AP2A1: variants seen among roughly 807,000 people sequenced by gnomAD.
AP2A1 encodes the protein AP-2 complex subunit alpha-1.
AP2A1 carries 21 observed loss-of-function variants against 107.3 expected under a neutral mutation model. The ratio of observed to expected loss-of-function variants is 0.20; its 90% CI spans 0.14 to 0.28. The LOEUF (loss-of-function observed/expected upper bound fraction) is 0.28. AP2A1 is among the 10% of genes least tolerant of loss of function. AP2A1 has a pLI of 1.00. For missense variants in AP2A1, 873 were observed against 1,307.7 expected, an observed-to-expected ratio of 0.67 and a Z score of 5.13; for synonymous variants, 602 against 564.8, an observed-to-expected ratio of 1.07 and a Z score of -0.93.
intron 18 of AP2A1, 165 bp from the exon 19 acceptor site, chr19:49,805,288 T>C (rs1406232136): frequency 1.2e-6 from 1 of 808,928 alleles, no homozygotes; most frequent in Admixed American, 3.2e-5. Flanking sequence ...GAGGTTTCCA[T>C]AGTATGAACT....
intron 4 of AP2A1, among the ~76,000 whole-genome samples, chr19:49,784,431 CA>C (rs112357042): frequency 0.26 from 28,356 of 107,892 alleles, 2,661 homozygotes; most frequent in South Asian, 0.43. Context: ...GACTCTGTCT[CA>C]AAAAAAAAAA....
intron 8 of AP2A1, 45 bp from the exon 9 acceptor site, chr19:49,799,282 T>C: frequency 6.3e-7 from 1 of 1,593,170 alleles, no homozygotes; most frequent in East Asian, 2.2e-5. Flanking sequence ...CACCTTCTCC[T>C]GTCAGTTTCT....
At chr19:49,796,190 G>A in intron 7 of AP2A1, 1 of 175,360 alleles carries the variant, frequency 5.7e-6, no homozygotes, top group South Asian at 1.3e-4. Context: ...ACAATAGCCA[G>A]TGTGTATGAA....
chr19:49,782,022 A>C lies in AP2A1; in HGVS notation c.212A>C (p.Asp71Ala). 1 of 1,600,872 alleles carries C rather than the reference A, an allele frequency of 6.2e-7. No individual in the cohort carries two copies. The highest frequency in any genetic ancestry group is 8.5e-7 in the Non-Finnish European group (1 of 1,173,374). The change falls in exon 3 of 23, where the codon GAC becomes GCC. Residue 71 changes from aspartate (D) to alanine (A), a missense_variant. Coordinates refer to ENST00000354293, the MANE Select transcript of AP2A1 (RefSeq NM_130787.3). ...CTTTTCATCTTCCTGCTTGGCCATGACATTGACTTTGGGCACATGGAGGCT... is the reference window on the plus strand; with the variant it reads ...CTTTTCATCTTCCTGCTTGGCCATGCCATTGACTTTGGGCACATGGAGGCT... ...KLLFIFLLGH[D>A]IDFGHMEAVN...
chr19:49,803,641 TC>T (rs1273300491), intron 18 of AP2A1: 2 of 499,906 alleles, frequency 4.0e-6, no homozygotes, highest in Non-Finnish European at 7.3e-6. Context: ...TCTGGCACCT[TC>T]CGTGTCCTGC....
intron 6 of AP2A1, among the ~76,000 whole-genome samples, chr19:49,793,892 T>G (rs1488527693): frequency 6.8e-6 from 1 of 147,898 alleles, no homozygotes; most frequent in Admixed American, 6.8e-5. Flanking sequence ...CATCCACTCA[T>G]TGTTTCTTTT....
intron 1 of AP2A1, among the ~76,000 whole-genome samples, chr19:49,770,460 G>A (rs990344425): frequency 2.0e-5 from 3 of 152,158 alleles, no homozygotes; most frequent in African/African-American, 7.2e-5. Flanking sequence ...CCTCCATGAA[G>A]CTCCCAGCCC....
At chr19:49,793,630 C>CT (rs1383984685) in intron 6 of AP2A1, among the ~76,000 whole-genome samples, 1 of 152,126 alleles carries the variant, frequency 6.6e-6, no homozygotes, top group Admixed American at 6.5e-5. Context: ...CCAAGCTCTG[C>CT]TCTTAAGGAG....
chr19:49,769,194 G>A (rs116895430), intron 1 of AP2A1, among the ~76,000 whole-genome samples: 7 of 152,168 alleles, frequency 4.6e-5, no homozygotes, highest in Middle Eastern at 3.4e-3. Flanking sequence ...AGGTTGCAAT[G>A]AGCCGAGATT....
At position 49,788,432 on chromosome 19, in the gene AP2A1, G is replaced by C. The variant is rs2073100687; in HGVS notation, c.474-3503G>C. 6.6e-6 allele frequency among the ~76,000 whole-genome samples: 1 copy of C among 152,206 alleles called. No individual in the cohort carries two copies. The highest frequency in any genetic ancestry group is 2.4e-5 in the African/African-American group (1 of 41,448). Reference sequence around the variant, plus strand: ...CGCGTCCTTAGAGGGCTGTGGTGGGGAGCGAGCGAGCTGTGCGGGAACACT... The same window carrying C: ...CGCGTCCTTAGAGGGCTGTGGTGGGCAGCGAGCGAGCTGTGCGGGAACACT... On this transcript the variant is annotated intron_variant, in intron 4 of 22. Coordinates refer to ENST00000354293, the MANE Select transcript of AP2A1 (RefSeq NM_130787.3). This position sits in a 1 kb window ranked among gnomAD's most constrained non-coding sequence, Gnocchi z 4.5.
chr19:49,782,282 A>C (rs1004512741), intron 3 of AP2A1, among the ~76,000 whole-genome samples, 193 bp downstream of exon 3: 1 of 144,030 alleles, frequency 6.9e-6, no homozygotes, highest in Admixed American at 6.9e-5. Flanking sequence ...TGGACTCCCC[A>C]TTCTGAGGGA....
chr19:49,799,833 C>T, intron 10 of AP2A1, 67 bp downstream of exon 10: 1 of 1,573,792 alleles, frequency 6.4e-7, no homozygotes, highest in East Asian at 2.3e-5. Context: ...GGCCTGGATT[C>T]CTAAGTCTAA....
rs1600250995 is a variant in AP2A1, at chr19:49,805,994, CCT to C, written c.2655+56_2655+57del. The C allele has an allele frequency of 1.7e-5, 28 of 1,612,812 alleles. 1 individual carries two copies. Among genetic ancestry groups the C allele is most frequent in the Non-Finnish European group, 2.0e-5 (24 of 1,179,432 alleles). On this transcript the variant is annotated intron_variant, in intron 21 of 22. Transcript: ENST00000354293. ...CCTATGGCTGCTTTGCTTCTCTGAG[CCT>C]CTGTTTTCCCATCTGTAAAGTGGGG...
chr19:49,769,591 G>A (rs966608011), intron 1 of AP2A1, among the ~76,000 whole-genome samples: 3 of 152,172 alleles, frequency 2.0e-5, no homozygotes, highest in African/African-American at 7.2e-5. Context: ...AGCTGTGGGA[G>A]TGAAGGGGAG....
At chr19:49,787,818 A>G (rs1276975418) in intron 4 of AP2A1, among the ~76,000 whole-genome samples, 1 of 151,928 alleles carries the variant, frequency 6.6e-6, no homozygotes, top group African/African-American at 2.4e-5. Context: ...GCTGCCACCA[A>G]TCTGCTTTCT....
chr19:49,781,844 T>C lies in AP2A1; in HGVS notation c.136+19T>C. On this transcript the variant is annotated intron_variant, in intron 2 of 22. Transcript: ENST00000354293. ...TTCAAAGGTAGGCTGGGGGCCCAAC[T>C]TCTGGTTCTGAGGGAGGAGGGGGCT... 1.9e-6 allele frequency: 3 copies of C among 1,610,672 alleles called. No homozygotes were observed. The highest frequency in any genetic ancestry group is 2.5e-6 in the Non-Finnish European group (3 of 1,178,314).
chr19:49,793,102 G>T lies in AP2A1; in HGVS notation c.705+10G>T. 1 of 1,592,230 alleles carries T rather than the reference G, an allele frequency of 6.3e-7. No individual in the cohort carries two copies. The highest frequency in any genetic ancestry group is 1.1e-5 in the South Asian group (1 of 87,632). ...GTCGCGCCTGAGCCGGGTGGGTGTG[G>T]CCTAGATATTGGCTGCTGGAGGTGG... On this transcript the variant is annotated intron_variant, in intron 6 of 22. Coordinates refer to ENST00000354293, the MANE Select transcript of AP2A1 (RefSeq NM_130787.3).
intron 4 of AP2A1, 159 bp from the exon 5 acceptor site, chr19:49,791,776 C>G (rs1301642517): frequency 1.2e-6 from 1 of 818,854 alleles, no homozygotes; most frequent in African/African-American, 1.7e-5. Flanking sequence ...TCCTGGTGGG[C>G]CGTGAGGTCA....
At chr19:49,805,832 G>T (rs761021493) in intron 20 of AP2A1, 40 bp from the exon 21 acceptor site, 2 of 1,592,478 alleles carry the variant, frequency 1.3e-6, no homozygotes, top group African/African-American at 1.3e-5. Context: ...GGGCGGGTCG[G>T]GCCGTCCAGG....
Sources: allele counts gnomAD v4.1 joint callset (sites outside exome capture counted in the v4.1 genomes callset), GRCh38; gene constraint gnomAD v4.1.1; non-coding constraint Gnocchi (gnomAD v3.1); transcripts MANE v1.5; gene names NCBI Gene and HGNC (gene_info 2026-07-23, HGNC 2026-07-21).